The following DCAF12 variants were observed in gnomAD, a reference collection of about 807,000 sequenced individuals.
DCAF12 encodes DDB1- and CUL4-associated factor 12.
In DCAF12, 28 loss-of-function variants were observed where a neutral mutation model predicts 52.8. The observed-to-expected ratio is 0.53, with a 90% confidence interval of 0.39 to 0.73. DCAF12 has a LOEUF of 0.73. Among genes scored for constraint, DCAF12 ranks in the 30% least tolerant of loss-of-function variants. The probability of loss-of-function intolerance (pLI) is 0.00; values close to 1 mark genes in which losing one functional copy is unlikely to be tolerated. For synonymous variants in DCAF12, 196 were observed against 215.5 expected (o/e 0.91, Z 0.79); for missense variants, 425 against 552.2 (o/e 0.77, Z 2.31).
Position 34,093,269 on chromosome 9 carries a change from C to T in DCAF12, c.1024+17G>A, listed in dbSNP as rs1235483706. 6.2e-7 allele frequency: 1 copy of T among 1,613,952 alleles called. No individual in the cohort carries two copies. On this transcript the variant is annotated intron_variant, in intron 7 of 8. Transcript: ENST00000361264. ...GCAGTGCAGCTGTAGGCCTGAGGTG[C>T]ACACAGGGACTCTTACCACTGCCTC...
Position 34,089,535 on chromosome 9 carries a change from G to A in DCAF12, c.1080C>T (p.Gly360=), listed in dbSNP as rs1828612268. ...CTCGGATGTCATAGAACAGCAGGGA[G>A]CCCTGCCCTGTTCCCACAGTGATGA... ...EHIITVGTGQ[G]SLLFYDIRAQ... is the part of the protein sequence containing the mutation. The change falls in exon 8 of 9, where the codon GGC becomes GGT. Residue 360 remains glycine (G), a synonymous_variant. Coordinates refer to ENST00000361264, the MANE Select transcript of DCAF12 (RefSeq NM_015397.4). The A allele has an allele frequency of 2.5e-6, 4 of 1,613,950 alleles. No homozygotes were observed. The highest frequency in any genetic ancestry group is 3.4e-6 in the Non-Finnish European group (4 of 1,179,988).
chr9:34,095,625 G>C (rs1374574598), intron 6 of DCAF12, among the ~76,000 whole-genome samples: 1 of 152,024 alleles, frequency 6.6e-6, no homozygotes, highest in African/African-American at 2.4e-5. Context: ...CTGGGCTCAA[G>C]CAATCCTCCT....
At chr9:34,117,458 T>C (rs1274126575) in intron 2 of DCAF12, among the ~76,000 whole-genome samples, 1 of 151,768 alleles carries the variant, frequency 6.6e-6, no homozygotes, top group Non-Finnish European at 1.5e-5. Context: ...CCTCTAATCC[T>C]TGATTTTGGA....
intron 2 of DCAF12, among the ~76,000 whole-genome samples, chr9:34,115,523 C>T (rs1331918843): frequency 4.1e-5 from 6 of 145,634 alleles, no homozygotes; most frequent in South Asian, 2.2e-4. Context: ...TACTTGAACC[C>T]GGTAGGCGGA....
rs1356411331 is a variant in DCAF12, at chr9:34,086,866, T to TA, written c.*1483dup. The TA allele has an allele frequency of 6.6e-6, 1 of 152,080 alleles. No homozygotes were observed. Among genetic ancestry groups the TA allele is most frequent in the Non-Finnish European group, 1.5e-5 (1 of 68,010 alleles). 9.4% of individuals were successfully genotyped at this position (152,080 alleles called of 1,614,324 possible). A position where few individuals can be genotyped will look rare whatever the true frequency, so the allele number is the denominator to read the frequency against. ...GAGGGGGACAACTGGGAGAACAAGT[T>TA]AAAAAACTGGGGTGCAGGAATAAAT... On this transcript the variant is annotated 3_prime_UTR_variant, in exon 9 of 9. Transcript: ENST00000361264.
intron 7 of DCAF12, among the ~76,000 whole-genome samples, chr9:34,091,430 A>G (rs1006017066): frequency 2.6e-5 from 4 of 151,874 alleles, no homozygotes; most frequent in Non-Finnish European, 5.9e-5. Flanking sequence ...GTGTCCCAAG[A>G]GTTTGAGACA....
intron 2 of DCAF12, chr9:34,109,934 C>G (rs1828971437): frequency 4.4e-6 from 1 of 224,994 alleles, no homozygotes; most frequent in Non-Finnish European, 9.6e-6. Flanking sequence ...GGCTCTACCA[C>G]CATGTCCAAC....
intron 4 of DCAF12, among the ~76,000 whole-genome samples, chr9:34,105,172 G>A (rs898889347): frequency 3.3e-5 from 5 of 151,874 alleles, no homozygotes; most frequent in South Asian, 2.1e-4. Flanking sequence ...GGAATCGCTC[G>A]AACCTGGGAA....
chr9:34,095,449 C>T (rs923897295), intron 6 of DCAF12, among the ~76,000 whole-genome samples: 5 of 136,868 alleles, frequency 3.7e-5, no homozygotes, highest in South Asian at 5.0e-4. Flanking sequence ...GGCAAAATTA[C>T]GGCTCACTGC....
At chr9:34,092,230 T>C (rs926568992) in intron 7 of DCAF12, among the ~76,000 whole-genome samples, 1 of 152,202 alleles carries the variant, frequency 6.6e-6, no homozygotes, top group Non-Finnish European at 1.5e-5. Flanking sequence ...TATGTATATA[T>C]CCATGACATC....
At chr9:34,108,870 C>CTACT (rs1268872820) in intron 2 of DCAF12, among the ~76,000 whole-genome samples, 3 of 148,456 alleles carry the variant, frequency 2.0e-5, no homozygotes, top group Non-Finnish European at 3.0e-5. Flanking sequence ...GTAGTCCCAA[C>CTACT]TACTTAGCTA....
intron 7 of DCAF12, 47 bp downstream of exon 7, chr9:34,093,239 C>G: frequency 1.1e-5 from 17 of 1,608,224 alleles, no homozygotes; most frequent in Non-Finnish European, 1.4e-5. Context: ...AGTCAGAACC[C>G]ATATGCAGTG....
rs939158439 is a variant in DCAF12, at chr9:34,126,620, G to C, written c.-189C>G. 2 of 654,502 alleles carry C rather than the reference G, an allele frequency of 3.1e-6. No individual in the cohort carries two copies. The highest frequency in any genetic ancestry group is 5.1e-6 in the Non-Finnish European group (2 of 395,820). 40.5% of individuals were successfully genotyped at this position (654,502 alleles called of 1,614,324 possible). A position where few individuals can be genotyped will look rare whatever the true frequency, so the allele number is the denominator to read the frequency against. On this transcript the variant is annotated 5_prime_UTR_variant, in exon 1 of 9. Coordinates refer to ENST00000361264, the MANE Select transcript of DCAF12 (RefSeq NM_015397.4). ...GAAAGGAAAGAGAGAGGAAGGACTT[G>C]AGCCGGGAAAGGGAAGGGGAAGCGA...
Position 34,093,463 on chromosome 9 carries a change from G to C in DCAF12, c.862-15C>G. 3 of 1,613,624 alleles carry C rather than the reference G, an allele frequency of 1.9e-6. No individual in the cohort carries two copies. Among genetic ancestry groups the C allele is most frequent in the Non-Finnish European group, 2.5e-6 (3 of 1,179,632 alleles). On this transcript the variant is annotated splice_polypyrimidine_tract_variant and intron_variant, in intron 6 of 8. Transcript: ENST00000361264. ...GTGGAGAGGAGCTGAAAATAGAGGA[G>C]AGATATAACCATGGCATCAGCAGAG... is the stretch of plus-strand genomic sequence containing the variant.
At position 34,096,791 on chromosome 9, in the gene DCAF12, C is replaced by A; in HGVS notation, c.796-10G>T. On this transcript the variant is annotated splice_polypyrimidine_tract_variant and intron_variant, in intron 5 of 8. Coordinates refer to ENST00000361264, the MANE Select transcript of DCAF12 (RefSeq NM_015397.4). ...ACACTGCTCCCAGTTCCTACAAGAG[C>A]AATGAAAACCAGGTTATATTATCAT... The A allele has an allele frequency of 6.2e-7, 1 of 1,612,756 alleles. No homozygotes were observed. The highest frequency in any genetic ancestry group is 1.1e-5 in the South Asian group (1 of 91,028).
At chr9:34,103,372 A>G (rs1490576610) in intron 4 of DCAF12, among the ~76,000 whole-genome samples, 1 of 151,186 alleles carries the variant, frequency 6.6e-6, no homozygotes, top group African/African-American at 2.4e-5. Context: ...TGGCCACTGC[A>G]CTCCAGCTGG....
chr9:34,090,635 T>G (rs1298717971), intron 7 of DCAF12, among the ~76,000 whole-genome samples: 1 of 152,098 alleles, frequency 6.6e-6, no homozygotes. Flanking sequence ...AACTTTTCAT[T>G]GCATACATTA....
At chr9:34,120,002 A>T (rs1252751055) in intron 2 of DCAF12, among the ~76,000 whole-genome samples, 1 of 151,856 alleles carries the variant, frequency 6.6e-6, no homozygotes, top group Non-Finnish European at 1.5e-5. Flanking sequence ...CACTATACCC[A>T]GCCAATACTG....
chr9:34,103,856 A>AACC (rs1319363314), intron 4 of DCAF12, among the ~76,000 whole-genome samples: 2 of 152,170 alleles, frequency 1.3e-5, no homozygotes, highest in Non-Finnish European at 2.9e-5. Flanking sequence ...CAACAACAGT[A>AACC]ACAACAACAA....
Sources: allele counts gnomAD v4.1 joint callset (sites outside exome capture counted in the v4.1 genomes callset), GRCh38; gene constraint gnomAD v4.1.1; transcripts MANE v1.5; gene names NCBI Gene and HGNC (gene_info 2026-07-23, HGNC 2026-07-21).